The following RSRC2 variants were observed in gnomAD, a reference collection of about 807,000 sequenced individuals.
RSRC2 encodes arginine and serine rich coiled-coil 2, also known as arginine/serine-rich coiled-coil protein 2.
A neutral mutation model predicts 61.3 loss-of-function variants in RSRC2; 5 were observed. That is an observed-to-expected ratio of 0.08 (90% CI 0.04 to 0.17). The LOEUF is 0.17. Ranked by LOEUF, RSRC2 falls within the 10% of genes least tolerant of loss-of-function variation. The probability of loss-of-function intolerance (pLI) is 1.00; values close to 1 mark genes in which losing one functional copy is unlikely to be tolerated. For synonymous variants in RSRC2, 202 were observed against 166.5 expected (o/e 1.21, Z -1.64); for missense variants, 381 against 518.8 (o/e 0.73, Z 2.58).
At chr12:122,508,182 G>A (rs1161331984) in intron 8 of RSRC2, 36 bp downstream of exon 8, 4 of 1,556,064 alleles carry the variant, frequency 2.6e-6, no homozygotes, top group Non-Finnish European at 3.5e-6. Flanking sequence ...TACTAATTAG[G>A]AATAAACGAC....
intron 6 of RSRC2, among the ~76,000 whole-genome samples, chr12:122,511,701 T>C (rs1958525234): frequency 6.6e-6 from 1 of 152,214 alleles, no homozygotes; most frequent in African/African-American, 2.4e-5. Context: ...TGTAATCTAA[T>C]AAAATGGGAG....
chr12:122,518,592 CAA>C (rs11417312), intron 4 of RSRC2, among the ~76,000 whole-genome samples: 2 of 144,306 alleles, frequency 1.4e-5, no homozygotes, highest in Non-Finnish European at 3.0e-5. Flanking sequence ...GACTCCGTGT[CAA>C]AAAAAAAAAA....
chr12:122,507,903 C>T (rs950789871), intron 8 of RSRC2: 1 of 388,862 alleles, frequency 2.6e-6, no homozygotes, highest in Non-Finnish European at 4.9e-6. Context: ...CAGGCTCAAG[C>T]GATTCTCCTG....
intron 1 of RSRC2, among the ~76,000 whole-genome samples, 165 bp downstream of exon 1, chr12:122,526,683 T>C (rs1319483677): frequency 1.3e-5 from 2 of 150,152 alleles, no homozygotes; most frequent in African/African-American, 4.9e-5. Context: ...ACCGCCTTAC[T>C]TCCCCCTCCC....
At chr12:122,526,621 G>A (rs148309745) in intron 1 of RSRC2, among the ~76,000 whole-genome samples, 3 of 151,938 alleles carry the variant, frequency 2.0e-5, no homozygotes, top group African/African-American at 4.8e-5. Flanking sequence ...AAGAGAGGAG[G>A]AAAGTTCTGG....
chr12:122,506,900 T>A lies in RSRC2; in HGVS notation c.1059A>T (p.Ile353=), dbSNP rs1474019986. 3.7e-6 allele frequency: 6 copies of A among 1,606,994 alleles called. No homozygotes were observed. In the South Asian group the frequency reaches 6.6e-5, roughly 18 times the overall value. The change falls in exon 9 of 10, where the codon ATA becomes ATT. Residue 353 remains isoleucine (I), a synonymous_variant. Coordinates refer to ENST00000331738, the MANE Select transcript of RSRC2 (RefSeq NM_023012.6). ...KEGDKSQSAE[I]WEKLNFGNKD... is the part of the protein sequence containing the mutation. The stretch of plus-strand genomic sequence containing the variant: ...TGTTTCCAAAATTCAATTTTTCCCA[T>A]ATTTCAGCAGATTGGGATTTGTCCT...
intron 1 of RSRC2, among the ~76,000 whole-genome samples, chr12:122,522,634 T>C (rs1005693887): frequency 6.6e-6 from 1 of 152,230 alleles, no homozygotes; most frequent in African/African-American, 2.4e-5. Flanking sequence ...AATAGTCCTT[T>C]TTAGATGTGT....
chr12:122,516,160 T>C (rs185009537), intron 5 of RSRC2, among the ~76,000 whole-genome samples: 5 of 152,270 alleles, frequency 3.3e-5, no homozygotes, highest in Admixed American at 6.5e-5. Context: ...CTGTATTAAG[T>C]ACAGGTCCCT....
Position 122,504,396 on chromosome 12 carries a change from G to C in RSRC2, c.*1131C>G, listed in dbSNP as rs1230046460. On this transcript the variant is annotated 3_prime_UTR_variant, in exon 10 of 10. Transcript: ENST00000331738. Reference sequence around the variant, plus strand: ...TAATCCCGGCACTTTGGGAGGCTGAGGAGGGTGGATCACCTGAGGTCAGGA... The same window carrying C: ...TAATCCCGGCACTTTGGGAGGCTGACGAGGGTGGATCACCTGAGGTCAGGA... 6.6e-6 allele frequency: 1 copy of C among 152,048 alleles called. No homozygotes were observed. The highest frequency in any genetic ancestry group is 1.5e-5 in the Non-Finnish European group (1 of 68,012). 9.4% of individuals were successfully genotyped at this position (152,048 alleles called of 1,614,324 possible).
At position 122,526,889 on chromosome 12, in the gene RSRC2, C is replaced by CTT. The variant is rs779229554; in HGVS notation, c.-38_-37dup. 1.2e-5 allele frequency: 19 copies of CTT among 1,613,840 alleles called. No homozygotes were observed. Among genetic ancestry groups the CTT allele is most frequent in the Middle Eastern group, 1.6e-4 (1 of 6,082 alleles). ...CCCGGCCGCTAGAGCGGCGCCTCCA[C>CTT]TTGTCGCTTTCAACAGTACCGGCCG... On this transcript the variant is annotated 5_prime_UTR_variant, in exon 1 of 10. Transcript: ENST00000331738.
chr12:122,516,354 C>T (rs921427298), intron 5 of RSRC2, among the ~76,000 whole-genome samples: 2 of 152,174 alleles, frequency 1.3e-5, no homozygotes, highest in African/African-American at 4.8e-5. Flanking sequence ...CCTCCTCCCA[C>T]CAATCAAGAT....
chr12:122,526,732 C>T, intron 1 of RSRC2, 116 bp downstream of exon 1: 1 of 1,222,776 alleles, frequency 8.2e-7, no homozygotes, highest in Admixed American at 1.8e-5. Context: ...AGAAGAAGGC[C>T]GCGGCGCCAT....
chr12:122,515,787 C>T (rs538541106), intron 5 of RSRC2, among the ~76,000 whole-genome samples: 8 of 152,184 alleles, frequency 5.3e-5, no homozygotes, highest in African/African-American at 1.9e-4. Context: ...GTCAGGAGTT[C>T]GAGACCTGCC....
At chr12:122,519,209 A>T in intron 3 of RSRC2, 180 bp from the exon 4 acceptor site, 1 of 552,854 alleles carries the variant, frequency 1.8e-6, no homozygotes, top group Non-Finnish European at 3.2e-6. Flanking sequence ...TATTTTTTTT[A>T]CTATAAACAC....
rs1300873541 is a variant in RSRC2, at chr12:122,508,221, T to A, written c.1032A>T (p.Glu344Asp). Residue 344 changes from glutamate (E) to aspartate (D), a missense_variant, in exon 8 of 10, where the codon GAA becomes GAT. Transcript: ENST00000331738. ...AAAGCAGAATAAGAGAACTTACCCC[T>A]TCTTTCTTGCCCTGCCAAAGCATTT... ...KRKMLWQGKK[E>D]GDKSQSAEIW... The A allele has an allele frequency of 1.9e-6, 3 of 1,612,926 alleles. No individual in the cohort carries two copies. The highest frequency in any genetic ancestry group is 2.5e-6 in the Non-Finnish European group (3 of 1,178,982).
Position 122,505,497 on chromosome 12 carries a change from A to C in RSRC2, c.*30T>G, listed in dbSNP as rs1420103757. The C allele has an allele frequency of 6.2e-7, 1 of 1,602,130 alleles. No individual in the cohort carries two copies. The highest frequency in any genetic ancestry group is 8.5e-7 in the Non-Finnish European group (1 of 1,171,546). On this transcript the variant is annotated 3_prime_UTR_variant, in exon 10 of 10. Coordinates refer to ENST00000331738, the MANE Select transcript of RSRC2 (RefSeq NM_023012.6). ...CGTGACATCAGAACAAGAAGTCTAT[A>C]AGTCCCAAACTTTACAAGTGTGATC... is the stretch of plus-strand genomic sequence containing the variant.
At chr12:122,519,690 T>C (rs982531783) in intron 3 of RSRC2, 1 of 152,488 alleles carries the variant, frequency 6.6e-6, no homozygotes, top group African/African-American at 2.4e-5. Flanking sequence ...CAACTGTATG[T>C]TTCAATTTTA....
chr12:122,512,844 T>G (rs1958628225), intron 6 of RSRC2, among the ~76,000 whole-genome samples: 1 of 152,038 alleles, frequency 6.6e-6, no homozygotes, highest in Admixed American at 6.6e-5. Flanking sequence ...AGGCATAACA[T>G]AGACTTGACT....
At position 122,518,975 on chromosome 12, in the gene RSRC2, G is replaced by T. The variant is rs773807076; in HGVS notation, c.262C>A (p.His88Asn). 6.2e-7 allele frequency: 1 copy of T among 1,613,514 alleles called. No individual in the cohort carries two copies. The highest frequency in any genetic ancestry group is 1.1e-5 in the South Asian group (1 of 91,072). Residue 88 changes from histidine to asparagine, a missense_variant, in exon 4 of 10, where the codon CAT becomes AAT. Coordinates refer to ENST00000331738, the MANE Select transcript of RSRC2 (RefSeq NM_023012.6). ...KSSKKHKSEE[H>N]NDKEHSSDKG... is the part of the protein sequence containing the mutation. ...TCAGAAGAATGTTCTTTGTCATTAT[G>T]TTCCTCAGACTTATGTTTCTTAGAG...
Sources: gnomAD v4.1 joint callset for allele counts (sites outside exome capture counted in the v4.1 genomes callset) on GRCh38, gnomAD v4.1.1 for gene constraint, MANE v1.5 for transcripts, NCBI Gene and HGNC (gene_info 2026-07-23, HGNC 2026-07-21) for gene names.